SESTD1: variants seen among roughly 807,000 people sequenced by gnomAD.
SESTD1 encodes SEC14 domain and spectrin repeat-containing protein 1.
A neutral mutation model predicts 101.7 loss-of-function variants in SESTD1; 43 were observed. The observed-to-expected ratio is 0.42, with a 90% confidence interval of 0.33 to 0.55. The LOEUF (loss-of-function observed/expected upper bound fraction) is 0.55. SESTD1 is among the 20% of genes least tolerant of loss of function. SESTD1 has a pLI of 0.07. For missense variants in SESTD1, 647 were observed against 815.1 expected (o/e 0.79, Z 2.51); for synonymous variants, 283 against 286.8 (o/e 0.99, Z 0.13).
chr2:179,121,760 C>A lies in SESTD1; in HGVS notation c.1442+10G>T. On this transcript the variant is annotated intron_variant, in intron 13 of 17. Transcript: ENST00000428443. The stretch of plus-strand genomic sequence containing the variant: ...ATTTTAGTAAAAAGTAATTAACGGT[C>A]AAACTTTGCCTTTGTTTTCTAAGCT... 6.4e-7 allele frequency: 1 copy of A among 1,551,558 alleles called. No homozygotes were observed. The highest frequency in any genetic ancestry group is 8.7e-7 in the Non-Finnish European group (1 of 1,154,944).
intron 2 of SESTD1, among the ~76,000 whole-genome samples, chr2:179,188,280 C>G (rs2046265888): frequency 6.6e-6 from 1 of 152,176 alleles, no homozygotes; most frequent in Admixed American, 6.6e-5. Flanking sequence ...AAGAAGATCT[C>G]TCAAAACCAC....
At position 179,229,782 on chromosome 2, in the gene SESTD1, TACACACACAC is replaced by T. The variant is rs141203169; in HGVS notation, c.-26+34707_-26+34716del. On this transcript the variant is annotated intron_variant, in intron 1 of 17. Transcript: ENST00000428443. ...ATATATATATATATATATACTCAAATACACACACACACACACACACACACACACACACACA... is the reference window on the plus strand; with the variant it reads ...ATATATATATATATATATACTCAAATACACACACACACACACACACACACA... Among the ~76,000 whole-genome samples, 349 of 115,456 alleles carry T rather than the reference TACACACACAC, an allele frequency of 3.0e-3. 8 individuals carry two copies. Among genetic ancestry groups the T allele is most frequent in the African/African-American group, 0.01 (335 of 31,924 alleles). 75.7% of individuals were successfully genotyped at this position (115,456 alleles called of 152,430 possible). A position where few individuals can be genotyped will look rare whatever the true frequency, so the allele number is the denominator to read the frequency against.
chr2:179,236,426 G>A (rs2047067347), intron 1 of SESTD1, among the ~76,000 whole-genome samples: 2 of 151,136 alleles, frequency 1.3e-5, no homozygotes, highest in South Asian at 4.2e-4. Flanking sequence ...GAGCCCAGGA[G>A]TTTGAGGTTA....
At position 179,149,304 on chromosome 2, in the gene SESTD1, T is replaced by C. The variant is rs1487019218; in HGVS notation, c.574A>G (p.Lys192Glu). 3 of 1,609,240 alleles carry C rather than the reference T, an allele frequency of 1.9e-6. No homozygotes were observed. Among genetic ancestry groups the C allele is most frequent in the Non-Finnish European group, 1.7e-6 (2 of 1,178,068 alleles). The change falls in exon 7 of 18, where the codon AAA becomes GAA. Residue 192 changes from lysine (K) to glutamate (E), a missense_variant. Coordinates refer to ENST00000428443, the MANE Select transcript of SESTD1 (RefSeq NM_178123.5). ...ATGCCACTAGCCACCTACCTTTCTT[T>C]CTCTTGCTGATTTCCTTTATCACTT... ...NGSDKGNQQE[K>E]ERSVDLNFLP...
chr2:179,114,973 A>G, intron 16 of SESTD1, 92 bp downstream of exon 16: 1 of 1,038,342 alleles, frequency 9.6e-7, no homozygotes, highest in Non-Finnish European at 1.4e-6. Context: ...TGAAAAATAG[A>G]TTAGTCATAT....
rs2154393465 is a variant in SESTD1 at position 179,106,701 on chromosome 2, T to G, written c.*3198A>C. 6.6e-6 allele frequency: 1 copy of G among 152,284 alleles called. No homozygotes were observed. Among genetic ancestry groups the G allele is most frequent in the Non-Finnish European group, 1.5e-5 (1 of 68,020 alleles). The allele number at this position is 152,284 out of a possible 1,614,324, so 9.4% of individuals were successfully genotyped here. A position where few individuals can be genotyped will look rare whatever the true frequency, so the allele number is the denominator to read the frequency against. ...AAGTATTCAATCTTCTACCTAACAA[T>G]GAAGCCTAGACCTGCCATCAATATC... On this transcript the variant is annotated 3_prime_UTR_variant, in exon 18 of 18. Transcript: ENST00000428443.
chr2:179,229,777 TCAAATACACA>T (rs2046953110), intron 1 of SESTD1, among the ~76,000 whole-genome samples: 5 of 63,644 alleles, frequency 7.9e-5, no homozygotes, highest in African/African-American at 4.0e-4. Context: ...ATATATATAC[TCAAATACACA>T]CACACACACA....
intron 6 of SESTD1, among the ~76,000 whole-genome samples, chr2:179,150,662 A>G (rs138697005): frequency 2.0e-5 from 3 of 152,200 alleles, no homozygotes; most frequent in Non-Finnish European, 4.4e-5. Context: ...TCTGCTAAAA[A>G]TACAAAAATT....
intron 5 of SESTD1, among the ~76,000 whole-genome samples, chr2:179,159,493 A>C (rs1442093922): frequency 6.6e-6 from 1 of 152,200 alleles, no homozygotes; most frequent in African/African-American, 2.4e-5. Context: ...TTAGGCCTGA[A>C]GTAGAACTGG....
intron 1 of SESTD1, among the ~76,000 whole-genome samples, chr2:179,257,028 A>G (rs539147111): frequency 4.7e-4 from 71 of 152,144 alleles, no homozygotes; most frequent in Non-Finnish European, 9.3e-4. Flanking sequence ...CTATGGCTCA[A>G]ACGCTACCAC....
chr2:179,259,264 C>T (rs1202318793), intron 1 of SESTD1, among the ~76,000 whole-genome samples: 1 of 152,162 alleles, frequency 6.6e-6, no homozygotes, highest in Non-Finnish European at 1.5e-5. Flanking sequence ...CAGAGTCTCA[C>T]TCTGTCGCCC....
At chr2:179,110,114 TA>T (rs1364362897) in intron 17 of SESTD1, 86 bp from the exon 18 acceptor site, 2 of 1,362,316 alleles carry the variant, frequency 1.5e-6, no homozygotes, top group Non-Finnish European at 2.0e-6. Context: ...AAATTTACCA[TA>T]AAAAATCTAC....
chr2:179,146,912 T>C, intron 7 of SESTD1, among the ~76,000 whole-genome samples: 1 of 107,418 alleles, frequency 9.3e-6, no homozygotes, highest in East Asian at 2.2e-4. Context: ...GGGGTGTGTG[T>C]GTGTGTGTGT....
intron 1 of SESTD1, among the ~76,000 whole-genome samples, chr2:179,203,376 C>T (rs1351357061): frequency 1.5e-5 from 2 of 133,786 alleles, no homozygotes; most frequent in East Asian, 4.0e-4. Context: ...CCCATGACAC[C>T]CAGGAGTTCA....
At chr2:179,162,028 T>C (rs191678335) in intron 5 of SESTD1, among the ~76,000 whole-genome samples, 1 of 152,296 alleles carries the variant, frequency 6.6e-6, no homozygotes, top group Admixed American at 6.5e-5. Flanking sequence ...TTGAGGCAAA[T>C]TTATAGGATT....
At chr2:179,145,591 C>T (rs147957419) in intron 8 of SESTD1, among the ~76,000 whole-genome samples, 1 of 152,308 alleles carries the variant, frequency 6.6e-6, no homozygotes, top group Non-Finnish European at 1.5e-5. Flanking sequence ...GAAACTGCTA[C>T]TAGAGATATT....
At chr2:179,250,648 C>G (rs2047303349) in intron 1 of SESTD1, among the ~76,000 whole-genome samples, 1 of 151,892 alleles carries the variant, frequency 6.6e-6, no homozygotes, top group African/African-American at 2.4e-5. Flanking sequence ...TTAAGGACAC[C>G]AGTCAGATGG....
At chr2:179,177,783 T>C (rs982837969) in intron 3 of SESTD1, among the ~76,000 whole-genome samples, 1 of 151,688 alleles carries the variant, frequency 6.6e-6, no homozygotes, top group South Asian at 2.1e-4. Context: ...AGCTGAAGAG[T>C]AGAAACAATC....
chr2:179,237,529 C>G (rs1401811513), intron 1 of SESTD1, among the ~76,000 whole-genome samples: 3 of 152,078 alleles, frequency 2.0e-5, no homozygotes, highest in Non-Finnish European at 2.9e-5. Flanking sequence ...GTGTGTGTGT[C>G]CCTTCCCTAC....
Sources: allele counts gnomAD v4.1 joint callset (sites outside exome capture counted in the v4.1 genomes callset), GRCh38; gene constraint gnomAD v4.1.1; transcripts MANE v1.5; gene names NCBI Gene and HGNC (gene_info 2026-07-23, HGNC 2026-07-21).